The following ANKRD6 variants were observed in gnomAD, a reference collection of about 807,000 sequenced individuals.
ANKRD6 encodes the protein ankyrin repeat domain 6, also known as ankyrin repeat domain-containing protein 6.
A neutral mutation model predicts 82.3 loss-of-function variants in ANKRD6; 56 were observed. The ratio of observed to expected loss-of-function variants is 0.68; its 90% CI spans 0.55 to 0.85. The LOEUF is 0.85. Among genes scored for constraint, ANKRD6 ranks in the 40% least tolerant of loss-of-function variants. The pLI is 0.00. For missense variants in ANKRD6, 852 were observed against 907.6 expected (o/e 0.94, Z 0.79); for synonymous variants, 347 against 352.1 (o/e 0.99, Z 0.16).
chr6:89,564,860 CG>C (rs1016475107), intron 1 of ANKRD6, among the ~76,000 whole-genome samples: 2 of 150,622 alleles, frequency 1.3e-5, no homozygotes, highest in African/African-American at 2.5e-5. Flanking sequence ...GGGTAGATGA[CG>C]GGGGGGAGGG....
chr6:89,547,242 T>C (rs150668040), intron 1 of ANKRD6, among the ~76,000 whole-genome samples: 1 of 151,720 alleles, frequency 6.6e-6, no homozygotes, highest in Non-Finnish European at 1.5e-5. Context: ...TTGAGGCAGA[T>C]GTAGGGGGCA....
At chr6:89,548,036 A>G (rs1370827633) in intron 1 of ANKRD6, among the ~76,000 whole-genome samples, 1 of 152,220 alleles carries the variant, frequency 6.6e-6, no homozygotes, top group African/African-American at 2.4e-5. Context: ...ATAGAATTTT[A>G]AAAATTGAGA....
chr6:89,549,668 CT>C (rs1477545312), intron 1 of ANKRD6, among the ~76,000 whole-genome samples: 1 of 151,972 alleles, frequency 6.6e-6, no homozygotes, highest in Non-Finnish European at 1.5e-5. Context: ...ACATGACTTT[CT>C]TTTTTTTATG....
At chr6:89,546,860 G>A (rs188960716) in intron 1 of ANKRD6, among the ~76,000 whole-genome samples, 19 of 152,334 alleles carry the variant, frequency 1.2e-4, no homozygotes, top group East Asian at 9.6e-4. Context: ...TGTGATTGGC[G>A]TTTTCCAAGA....
intron 1 of ANKRD6, among the ~76,000 whole-genome samples, chr6:89,517,526 C>G (rs1184710691): frequency 6.6e-6 from 1 of 151,808 alleles, no homozygotes; most frequent in Non-Finnish European, 1.5e-5. Flanking sequence ...AGTATAATGT[C>G]GAAAGAAGTT....
intron 2 of ANKRD6, among the ~76,000 whole-genome samples, chr6:89,590,974 C>T (rs1250207468): frequency 1.3e-5 from 2 of 152,220 alleles, no homozygotes; most frequent in Non-Finnish European, 2.9e-5. Flanking sequence ...GCTGCTGTCT[C>T]TTGCTCTGCC....
At chr6:89,440,509 A>G (rs1024199788) in intron 1 of ANKRD6, among the ~76,000 whole-genome samples, 3 of 152,210 alleles carry the variant, frequency 2.0e-5, no homozygotes, top group African/African-American at 7.2e-5. Flanking sequence ...TGCTTTTAGC[A>G]AATAGGGGAA....
chr6:89,577,208 A>G (rs1791308233), intron 2 of ANKRD6, among the ~76,000 whole-genome samples: 1 of 151,700 alleles, frequency 6.6e-6, no homozygotes, highest in Non-Finnish European at 1.5e-5. Context: ...CAGAAGCCCA[A>G]AGCCATCGTT....
intron 1 of ANKRD6, among the ~76,000 whole-genome samples, chr6:89,493,221 G>A (rs1778210495): frequency 6.6e-6 from 1 of 152,100 alleles, no homozygotes; most frequent in South Asian, 2.1e-4. Context: ...AAATCAATGT[G>A]TTGCAGGGCC....
At chr6:89,569,297 C>T (rs1789249260) in intron 2 of ANKRD6, among the ~76,000 whole-genome samples, 1 of 152,152 alleles carries the variant, frequency 6.6e-6, no homozygotes, top group East Asian at 1.9e-4. Flanking sequence ...TACTTTTTGT[C>T]TCTATAAACT....
intron 1 of ANKRD6, among the ~76,000 whole-genome samples, chr6:89,506,408 G>T (rs556384840): frequency 6.6e-6 from 1 of 152,202 alleles, no homozygotes; most frequent in African/African-American, 2.4e-5. Flanking sequence ...TCCACCTCCC[G>T]GGTTCAAGCT....
At chr6:89,596,316 CT>C (rs1562969670) in intron 3 of ANKRD6, among the ~76,000 whole-genome samples, 3 of 152,050 alleles carry the variant, frequency 2.0e-5, no homozygotes, top group African/African-American at 7.2e-5. Context: ...GGATTTTTGC[CT>C]GTGTCCTGTC....
rs1582800076 is a variant in ANKRD6 at position 89,474,251 on chromosome 6, A to T, written c.-144+40876A>T. On this transcript the variant is annotated intron_variant, in intron 1 of 15. Transcript: ENST00000339746. ...GAAAACCTCACAGTGAAGGGTGTTG[A>T]TGGACAAGAGAGCTGTGTGTGATGC... 3.9e-5 allele frequency among the ~76,000 whole-genome samples: 6 copies of T among 152,188 alleles called. No individual in the cohort carries two copies. In the South Asian group the frequency reaches 1.2e-3, roughly 32 times the overall value.
chr6:89,529,905 C>T (rs1782931818), intron 1 of ANKRD6, among the ~76,000 whole-genome samples: 1 of 152,112 alleles, frequency 6.6e-6, no homozygotes, highest in African/African-American at 2.4e-5. Flanking sequence ...AAAACAATTA[C>T]AGTAGTAACA....
chr6:89,613,052 A>G (rs1242288950), intron 6 of ANKRD6, among the ~76,000 whole-genome samples: 2 of 152,236 alleles, frequency 1.3e-5, no homozygotes, highest in Non-Finnish European at 2.9e-5. Flanking sequence ...AAAGTATGCC[A>G]AGTGGCCAGT....
chr6:89,614,843 A>C (rs942509693), intron 7 of ANKRD6, among the ~76,000 whole-genome samples: 3 of 146,780 alleles, frequency 2.0e-5, no homozygotes, highest in African/African-American at 7.4e-5. Context: ...TAAAGGAAAA[A>C]AAAAAAAACA....
At chr6:89,629,268 C>G (rs772682548) in intron 15 of ANKRD6, 30 bp downstream of exon 15, 1 of 1,612,938 alleles carries the variant, frequency 6.2e-7, no homozygotes, top group Admixed American at 1.7e-5. Context: ...CCCTTTTGTC[C>G]AAAAGGAACA....
At chr6:89,482,068 A>G (rs973343217) in intron 1 of ANKRD6, among the ~76,000 whole-genome samples, 1 of 152,158 alleles carries the variant, frequency 6.6e-6, no homozygotes, top group Non-Finnish European at 1.5e-5. Flanking sequence ...CTGCTCACAC[A>G]CTCAGAAGGC....
chr6:89,584,371 G>A (rs1016196625), intron 2 of ANKRD6, among the ~76,000 whole-genome samples: 1 of 152,172 alleles, frequency 6.6e-6, no homozygotes, highest in Admixed American at 6.5e-5. Flanking sequence ...TGGTCTTATT[G>A]GCGAATTCCC....
Sources: allele counts gnomAD v4.1 joint callset (sites outside exome capture counted in the v4.1 genomes callset), GRCh38; gene constraint gnomAD v4.1.1; transcripts MANE v1.5; gene names NCBI Gene and HGNC (gene_info 2026-07-23, HGNC 2026-07-21).